Variants in RGPD2 observed in about 807,000 individuals in gnomAD.
RGPD2 encodes the protein RANBP2-like and GRIP domain-containing protein 2.
Under a neutral mutation model 36.0 loss-of-function variants are expected in RGPD2, and 2 were observed. That is an observed-to-expected ratio of 0.06 (90% CI 0.02 to 0.17). RGPD2 has a LOEUF of 0.17. Ranked by LOEUF, RGPD2 falls within the 10% of genes least tolerant of loss-of-function variation. The probability of loss-of-function intolerance (pLI) is 1.00; values close to 1 mark genes in which losing one functional copy is unlikely to be tolerated. For synonymous variants in RGPD2, 19 were observed against 163.8 expected, an observed-to-expected ratio of 0.12 and a Z score of 6.75; for missense variants, 40 against 464.3, an observed-to-expected ratio of 0.09 and a Z score of 8.40.
the RGPD2 span, among the ~76,000 whole-genome samples, chr2:87,988,313 A>AT: frequency 7.5e-6 from 1 of 132,594 alleles, no homozygotes; most frequent in Non-Finnish European, 1.6e-5. Flanking sequence ...TTCTGATTGT[A>AT]TTTTGACAAT....
the RGPD2 span, among the ~76,000 whole-genome samples, chr2:87,978,914 C>T: frequency 7.6e-6 from 1 of 131,680 alleles, no homozygotes; most frequent in Non-Finnish European, 1.7e-5. Flanking sequence ...GACACCCCGT[C>T]TCTTAAAAAA....
At chr2:87,877,744 G>T in the RGPD2 span, among the ~76,000 whole-genome samples, 1 of 133,716 alleles carries the variant, frequency 7.5e-6, no homozygotes, top group Non-Finnish European at 1.5e-5. Flanking sequence ...GGCAGAGCTT[G>T]CAGTGAACTG....
chr2:87,876,538 T>G, the RGPD2 span, among the ~76,000 whole-genome samples: 1 of 152,300 alleles, frequency 6.6e-6, no homozygotes, highest in Admixed American at 6.5e-5. Context: ...TTGTGTGGTT[T>G]TGAGTTCATT....
chr2:87,825,937 C>G (rs1686795870), upstream of RGPD2: 2 of 575,402 alleles, frequency 3.5e-6, no homozygotes, highest in Admixed American at 3.6e-5. Flanking sequence ...GCACCCTGTG[C>G]TCTGAGGGTG....
intron 1 of RGPD2, chr2:87,825,048 C>G (rs1179214291): frequency 2.6e-6 from 1 of 384,936 alleles, no homozygotes; most frequent in Non-Finnish European, 4.6e-6. Context: ...TACCATCTAC[C>G]CCCCTCACCA....
chr2:87,952,266 A>G, the RGPD2 span, among the ~76,000 whole-genome samples: 1 of 152,142 alleles, frequency 6.6e-6, no homozygotes, highest in East Asian at 1.9e-4. Context: ...TATGGGAGAG[A>G]GTTTAGAAAA....
the RGPD2 span, among the ~76,000 whole-genome samples, chr2:87,984,185 C>T: frequency 6.6e-6 from 1 of 151,542 alleles, no homozygotes; most frequent in Admixed American, 6.6e-5. Flanking sequence ...TCTCAGGAAG[C>T]TGGCAAAGGT....
the RGPD2 span, among the ~76,000 whole-genome samples, chr2:87,988,595 C>T: frequency 1.4e-5 from 2 of 138,140 alleles, no homozygotes; most frequent in African/African-American, 5.2e-5. Context: ...GGCTGGAGTG[C>T]AGTGGCACGA....
the RGPD2 span, among the ~76,000 whole-genome samples, chr2:87,863,695 C>CGT: frequency 9.3e-3 from 1,396 of 149,432 alleles, 12 homozygotes; most frequent in African/African-American, 0.03. Context: ...TACACAAATA[C>CGT]GTGTGTGTGT....
At chr2:87,910,749 TAG>T in the RGPD2 span, among the ~76,000 whole-genome samples, 1 of 151,150 alleles carries the variant, frequency 6.6e-6, no homozygotes, top group Admixed American at 6.6e-5. Context: ...TACGTTGTGT[TAG>T]ACATCATACG....
chr2:87,961,168 C>G, the RGPD2 span, among the ~76,000 whole-genome samples: 1 of 152,182 alleles, frequency 6.6e-6, no homozygotes. Context: ...GAAAACTATC[C>G]TACTGATAAA....
the RGPD2 span, among the ~76,000 whole-genome samples, chr2:87,922,881 C>T: frequency 2.2e-4 from 33 of 152,262 alleles, no homozygotes; most frequent in Middle Eastern, 3.4e-3. Context: ...GATCCCAATG[C>T]ATCTGTGGGG....
intron 6 of RGPD2, among the ~76,000 whole-genome samples, chr2:87,810,015 G>T (rs1441637033): frequency 1.7e-5 from 1 of 57,216 alleles, no homozygotes; most frequent in Non-Finnish European, 4.0e-5. Flanking sequence ...AAAAAAATTA[G>T]CCAGGTGTGG....
At chr2:87,863,663 G>T in the RGPD2 span, among the ~76,000 whole-genome samples, 1 of 151,600 alleles carries the variant, frequency 6.6e-6, no homozygotes, top group Non-Finnish European at 1.5e-5. Flanking sequence ...TTCTTATTTT[G>T]TTATGAATAC....
At chr2:87,979,347 C>CT in the RGPD2 span, among the ~76,000 whole-genome samples, 1 of 96,418 alleles carries the variant, frequency 1.0e-5, no homozygotes, top group Admixed American at 1.3e-4. Context: ...AGATATCTAC[C>CT]AGCAGAAGAA....
chr2:87,988,790 C>T, the RGPD2 span, among the ~76,000 whole-genome samples: 1 of 151,956 alleles, frequency 6.6e-6, no homozygotes, highest in South Asian at 2.1e-4. Flanking sequence ...ATCCACCTGC[C>T]TCAGTCTCAC....
At chr2:87,957,779 T>C in the RGPD2 span, among the ~76,000 whole-genome samples, 1 of 152,306 alleles carries the variant, frequency 6.6e-6, no homozygotes, top group Non-Finnish European at 1.5e-5. Context: ...CTTGTGTTTA[T>C]TGTTGTGCAT....
the RGPD2 span, among the ~76,000 whole-genome samples, chr2:87,986,808 A>T: frequency 1.2e-4 from 18 of 151,234 alleles, no homozygotes; most frequent in African/African-American, 4.1e-4. Flanking sequence ...TGAACCCGGG[A>T]GGCAGAGGTT....
intron 6 of RGPD2, among the ~76,000 whole-genome samples, chr2:87,809,911 A>G (rs1189475481): frequency 1.3e-5 from 1 of 75,496 alleles, no homozygotes; most frequent in Admixed American, 1.7e-4. Context: ...TCTTATTCAG[A>G]GCATTGAGAG....
Sources: allele counts gnomAD v4.1 joint callset (sites outside exome capture counted in the v4.1 genomes callset), GRCh38; gene constraint gnomAD v4.1.1; transcripts MANE v1.5; gene names NCBI Gene and HGNC (gene_info 2026-07-23, HGNC 2026-07-21).